FARP1: variants seen among roughly 807,000 people sequenced by gnomAD.
FARP1 encodes FERM, ARHGEF and pleckstrin domain-containing protein 1.
A neutral mutation model predicts 128.8 loss-of-function variants in FARP1; 52 were observed. The observed-to-expected ratio is 0.40, with a 90% confidence interval of 0.32 to 0.51. The LOEUF (loss-of-function observed/expected upper bound fraction) is 0.51, where lower values mean the gene tolerates loss of function less well. Among genes scored for constraint, FARP1 ranks in the 20% least tolerant of loss-of-function variants. FARP1 has a pLI of 0.45. For missense variants in FARP1, 1,333 were observed against 1,367.9 expected (o/e 0.97, Z 0.40); for synonymous variants, 580 against 551.8 (o/e 1.05, Z -0.72).
chr13:98,326,160 T>G (rs1275854063), intron 2 of FARP1, among the ~76,000 whole-genome samples: 1 of 152,226 alleles, frequency 6.6e-6, no homozygotes, highest in East Asian at 1.9e-4. Flanking sequence ...GCAGGTGTGT[T>G]GCCTGTCTAT....
At chr13:98,402,923 T>G (rs1454681311) in intron 13 of FARP1, 3 of 152,248 alleles carry the variant, frequency 2.0e-5, no homozygotes, top group African/African-American at 7.2e-5. Context: ...TTTTGTCATT[T>G]GTTTAATCAG....
At chr13:98,385,906 C>T in intron 8 of FARP1, 92 bp downstream of exon 8, 1 of 1,334,532 alleles carries the variant, frequency 7.5e-7, no homozygotes, top group Non-Finnish European at 1.0e-6. Context: ...TGGGCTAAGA[C>T]CTCTGATGGT....
intron 2 of FARP1, among the ~76,000 whole-genome samples, chr13:98,266,471 G>A (rs754455526): frequency 6.6e-6 from 1 of 152,102 alleles, no homozygotes; most frequent in East Asian, 1.9e-4. Flanking sequence ...CCAGCTCAGC[G>A]TCCACAGCAA....
In FARP1 at chr13:98,448,389, C is replaced by T. The variant is rs1369487022; in HGVS notation, c.*72C>T. On this transcript the variant is annotated 3_prime_UTR_variant, in exon 27 of 27. Transcript: ENST00000319562. ...TTTCCTTTCTTCTGTATTAATGAAG[C>T]CTGGTAAAATTAACACCTGTCTGAA... The T allele has an allele frequency of 1.6e-6, 2 of 1,221,130 alleles. No homozygotes were observed. Among genetic ancestry groups the T allele is most frequent in the Admixed American group, 1.7e-5 (1 of 58,142 alleles). The allele number at this position is 1,221,130 out of a possible 1,614,324, so 75.6% of individuals were successfully genotyped here.
At chr13:98,423,355 G>A (rs757760301) in intron 16 of FARP1, among the ~76,000 whole-genome samples, 12 of 152,122 alleles carry the variant, frequency 7.9e-5, no homozygotes, top group Non-Finnish European at 1.3e-4. Context: ...TTCAGTTGCC[G>A]GGTATTTTTT....
At position 98,389,940 on chromosome 13, in the gene FARP1, G is replaced by T. The variant is rs1418252005; in HGVS notation, c.856-17G>T. The T allele has an allele frequency of 1.2e-6, 2 of 1,613,170 alleles. No homozygotes were observed. Among genetic ancestry groups the T allele is most frequent in the Non-Finnish European group, 1.7e-6 (2 of 1,179,592 alleles). ...ATGGGTAATGGAAAAAACCACCGTT[G>T]TATTTTCCCTTTTTAGAGTGCGTAC... On this transcript the variant is annotated splice_polypyrimidine_tract_variant and intron_variant, in intron 9 of 26. Transcript: ENST00000319562.
intron 1 of FARP1, among the ~76,000 whole-genome samples, chr13:98,189,808 C>G (rs1286589943): frequency 2.0e-5 from 3 of 152,180 alleles, no homozygotes; most frequent in African/African-American, 7.2e-5. Context: ...GGTGTATTAT[C>G]ACAATTTCAG....
Position 98,176,030 on chromosome 13 carries a change from A to C in FARP1, c.-24+32538A>C. 1.2e-6 allele frequency: 1 copy of C among 833,492 alleles called. No individual in the cohort carries two copies. The allele number at this position is 833,492 out of a possible 1,614,324, so 51.6% of individuals were successfully genotyped here. A position where few individuals can be genotyped will look rare whatever the true frequency, so the allele number is the denominator to read the frequency against. ...TTCTGCAGTGAACATGGGAGTGCAC[A>C]TACCTCTTTGAGATCCGGATTTCAA... On this transcript the variant is annotated intron_variant, in intron 1 of 26. Transcript: ENST00000319562. This position sits in a 1 kb window ranked among gnomAD's most constrained non-coding sequence, Gnocchi z 6.2.
rs56021612 is a variant in FARP1 at position 98,448,737 on chromosome 13, G to GTGTT, written c.*435_*438dup. On this transcript the variant is annotated 3_prime_UTR_variant, in exon 27 of 27. Coordinates refer to ENST00000319562, the MANE Select transcript of FARP1 (RefSeq NM_005766.4). Reference sequence around the variant, plus strand: ...TGCATTTTACGAAGTGGACTTCCCGGTGTTTGTTTGTTTGTTTGCAATACA... The same window carrying GTGTT: ...TGCATTTTACGAAGTGGACTTCCCGGTGTTTGTTTGTTTGTTTGTTTGCAATACA... 1.2e-3 allele frequency: 192 copies of GTGTT among 157,648 alleles called. 1 individual carries two copies. The highest frequency in any genetic ancestry group is 3.2e-3 in the Middle Eastern group (1 of 312). 9.8% of individuals were successfully genotyped at this position (157,648 alleles called of 1,614,324 possible). A position where few individuals can be genotyped will look rare whatever the true frequency, so the allele number is the denominator to read the frequency against.
At chr13:98,307,474 T>C (rs1303182795) in intron 2 of FARP1, among the ~76,000 whole-genome samples, 5 of 152,138 alleles carry the variant, frequency 3.3e-5, no homozygotes, top group Non-Finnish European at 7.4e-5. Flanking sequence ...GGCTGTGAGC[T>C]GGTATCTCCT....
At chr13:98,208,895 C>G (rs546797101) in intron 1 of FARP1, among the ~76,000 whole-genome samples, 1 of 152,274 alleles carries the variant, frequency 6.6e-6, no homozygotes, top group East Asian at 1.9e-4. Context: ...TTCTGGGGAC[C>G]TACTCTTAAG....
chr13:98,448,377 G>A lies in FARP1; in HGVS notation c.*60G>A. 7.7e-7 allele frequency: 1 copy of A among 1,304,694 alleles called. No individual in the cohort carries two copies. Among genetic ancestry groups the A allele is most frequent in the Non-Finnish European group, 1.1e-6 (1 of 898,712 alleles). The allele number at this position is 1,304,694 out of a possible 1,614,324, so 80.8% of individuals were successfully genotyped here. Reference sequence around the variant, plus strand: ...TCCTGGAAGACGTTTCCTTTCTTCTGTATTAATGAAGCCTGGTAAAATTAA... The same window carrying A: ...TCCTGGAAGACGTTTCCTTTCTTCTATATTAATGAAGCCTGGTAAAATTAA... On this transcript the variant is annotated 3_prime_UTR_variant, in exon 27 of 27. Coordinates refer to ENST00000319562, the MANE Select transcript of FARP1 (RefSeq NM_005766.4).
At chr13:98,177,805 A>C (rs575270749) in intron 1 of FARP1, 1 of 152,038 alleles carries the variant, frequency 6.6e-6, no homozygotes, top group African/African-American at 2.4e-5. Context: ...CTAAAAGGCC[A>C]CGGGTGGAAT....
intron 2 of FARP1, chr13:98,245,110 T>C: frequency 2.0e-6 from 2 of 996,958 alleles, no homozygotes; most frequent in African/African-American, 1.7e-5. Flanking sequence ...TTAGATTCTT[T>C]AGTTTTTAAA....
At chr13:98,428,910 A>G (rs764075646) in intron 17 of FARP1, among the ~76,000 whole-genome samples, 1 of 151,810 alleles carries the variant, frequency 6.6e-6, no homozygotes, top group Non-Finnish European at 1.5e-5. Flanking sequence ...AGCGACACAC[A>G]CATGCACGCA....
intron 1 of FARP1, among the ~76,000 whole-genome samples, chr13:98,148,211 T>C (rs935633099): frequency 6.6e-5 from 10 of 152,146 alleles, no homozygotes; most frequent in African/African-American, 1.2e-4. Context: ...AAACCCCGTC[T>C]CTACTAAAAA....
At chr13:98,169,258 C>G (rs1470326377) in intron 1 of FARP1, among the ~76,000 whole-genome samples, 2 of 152,292 alleles carry the variant, frequency 1.3e-5, no homozygotes, top group East Asian at 1.9e-4. Context: ...AGGCGTAGTT[C>G]ACAACCATCA....
At chr13:98,383,303 G>A (rs1271619249) in intron 6 of FARP1, among the ~76,000 whole-genome samples, 4 of 152,356 alleles carry the variant, frequency 2.6e-5, no homozygotes, top group South Asian at 2.1e-4. Flanking sequence ...GTGATGGAGC[G>A]TGGCAATTTT....
chr13:98,275,384 TATATATATTC>T (rs1024339382), intron 2 of FARP1, among the ~76,000 whole-genome samples: 1 of 116,330 alleles, frequency 8.6e-6, no homozygotes, highest in African/African-American at 3.1e-5. Context: ...TATATATTTT[TATATATATTC>T]ATATATATAT....
Sources: allele counts gnomAD v4.1 joint callset (sites outside exome capture counted in the v4.1 genomes callset), GRCh38; gene constraint gnomAD v4.1.1; non-coding constraint Gnocchi (gnomAD v3.1); transcripts MANE v1.5; gene names NCBI Gene and HGNC (gene_info 2026-07-23, HGNC 2026-07-21).